Variants in TMEM117 observed in about 807,000 individuals in gnomAD.
The protein encoded by TMEM117 is transmembrane protein 117.
A neutral mutation model predicts 52.4 loss-of-function variants in TMEM117; 27 were observed. The ratio of observed to expected loss-of-function variants is 0.51; its 90% confidence interval spans 0.38 to 0.71. The LOEUF is 0.71. Ranked by LOEUF, TMEM117 falls within the 30% of genes least tolerant of loss-of-function variation. The probability of loss-of-function intolerance (pLI) is 0.00; values close to 1 mark genes in which losing one functional copy is unlikely to be tolerated. For synonymous variants in TMEM117, 215 were observed against 206.3 expected (o/e 1.04, Z -0.36); for missense variants, 556 against 630.5 (o/e 0.88, Z 1.26).
chr12:43,875,755 A>C (rs923526181), intron 2 of TMEM117, among the ~76,000 whole-genome samples: 4 of 152,156 alleles, frequency 2.6e-5, no homozygotes, highest in Non-Finnish European at 4.4e-5. Flanking sequence ...TTATCACTCC[A>C]TTATTGGGCC....
At chr12:44,366,335 A>G (rs931445647) in intron 6 of TMEM117, among the ~76,000 whole-genome samples, 2 of 152,090 alleles carry the variant, frequency 1.3e-5, no homozygotes, top group African/African-American at 4.8e-5. Flanking sequence ...AAAGACCCTG[A>G]GGATGATAGA....
At chr12:44,270,729 C>T (rs951495449) in intron 5 of TMEM117, among the ~76,000 whole-genome samples, 1 of 152,026 alleles carries the variant, frequency 6.6e-6, no homozygotes, top group Non-Finnish European at 1.5e-5. Flanking sequence ...TTTCTCCATT[C>T]AGTATTATGT....
At chr12:43,857,939 A>G (rs972907023) in intron 2 of TMEM117, among the ~76,000 whole-genome samples, 3 of 152,158 alleles carry the variant, frequency 2.0e-5, no homozygotes, top group Non-Finnish European at 2.9e-5. Context: ...TATGGTAACT[A>G]TGTTGCCCTG....
At chr12:43,959,712 T>G (rs1050372364) in intron 3 of TMEM117, among the ~76,000 whole-genome samples, 2 of 152,150 alleles carry the variant, frequency 1.3e-5, no homozygotes, top group Non-Finnish European at 2.9e-5. Flanking sequence ...TGTTTGCTTC[T>G]TTGTTTTATT....
chr12:44,067,557 A>G (rs1309986354), intron 3 of TMEM117, among the ~76,000 whole-genome samples: 4 of 152,190 alleles, frequency 2.6e-5, no homozygotes, highest in Non-Finnish European at 4.4e-5. Flanking sequence ...GTCATTGTCA[A>G]TGACATTTCA....
Position 43,984,251 on chromosome 12 carries a change from C to G in TMEM117, c.410+39909C>G, listed in dbSNP as rs1211430244. On this transcript the variant is annotated intron_variant, in intron 3 of 7. Transcript: ENST00000266534. ...GGTGCAGTGGTACACGTCTGTAGTC[C>G]CAGCTATTCGGGAGGCTGAGGCATG... is the stretch of plus-strand genomic sequence containing the variant. Among the ~76,000 whole-genome samples, 5 of 152,116 alleles carry G rather than the reference C, an allele frequency of 3.3e-5. No individual in the cohort carries two copies. In the East Asian group the frequency reaches 9.7e-4, roughly 29 times the overall value.
At chr12:44,261,614 A>C (rs990472682) in intron 5 of TMEM117, among the ~76,000 whole-genome samples, 4 of 152,298 alleles carry the variant, frequency 2.6e-5, no homozygotes, top group Non-Finnish European at 5.9e-5. Context: ...AAGCTTAAGG[A>C]AACAGTCCAA....
At chr12:44,248,599 G>C (rs1854141667) in intron 5 of TMEM117, 2 of 157,722 alleles carry the variant, frequency 1.3e-5, no homozygotes, top group Admixed American at 1.3e-4. Context: ...TGTGGGCTAG[G>C]GACTGCGGTG....
intron 4 of TMEM117, among the ~76,000 whole-genome samples, chr12:44,209,041 T>C (rs1334859372): frequency 6.6e-6 from 1 of 152,088 alleles, no homozygotes; most frequent in Non-Finnish European, 1.5e-5. Flanking sequence ...ACAAGAAATA[T>C]TTATTTACCT....
intron 3 of TMEM117, among the ~76,000 whole-genome samples, chr12:44,000,093 A>T (rs1946092532): frequency 6.6e-6 from 1 of 152,190 alleles, no homozygotes; most frequent in South Asian, 2.1e-4. Context: ...TTTGCTATGC[A>T]GGATTTCCTT....
intron 4 of TMEM117, among the ~76,000 whole-genome samples, chr12:44,151,336 T>A (rs930860759): frequency 1.0e-3 from 157 of 151,900 alleles, no homozygotes; most frequent in African/African-American, 3.7e-3. Context: ...CACCTTTTTT[T>A]TTTGATGGAA....
intron 6 of TMEM117, among the ~76,000 whole-genome samples, chr12:44,358,211 T>C (rs185936347): frequency 1.3e-5 from 2 of 152,130 alleles, no homozygotes; most frequent in Admixed American, 6.6e-5. Context: ...AAACTAACTA[T>C]TGGGCACTAT....
chr12:43,983,440 G>C (rs17121301), intron 3 of TMEM117, among the ~76,000 whole-genome samples: 10,525 of 151,572 alleles, frequency 0.069, 474 homozygotes, highest in African/African-American at 0.12. Flanking sequence ...AGTCACTGCT[G>C]TAGCCTGTAT....
chr12:44,159,118 A>T (rs959766621), intron 4 of TMEM117, among the ~76,000 whole-genome samples: 1 of 152,084 alleles, frequency 6.6e-6, no homozygotes, highest in Admixed American at 6.6e-5. Flanking sequence ...TGGGTAGGTA[A>T]TTATATTGGT....
At chr12:44,213,064 T>C (rs2138403045) in intron 5 of TMEM117, among the ~76,000 whole-genome samples, 2 of 152,306 alleles carry the variant, frequency 1.3e-5, no homozygotes, top group Admixed American at 1.3e-4. Context: ...CCATCTTTTT[T>C]CCTATTTGTA....
intron 6 of TMEM117, among the ~76,000 whole-genome samples, chr12:44,325,215 A>C (rs1332010207): frequency 6.6e-6 from 1 of 152,340 alleles, no homozygotes. Flanking sequence ...AGAACTGCAT[A>C]TTGTACAACC....
intron 5 of TMEM117, among the ~76,000 whole-genome samples, chr12:44,218,085 G>A (rs546892820): frequency 3.3e-5 from 5 of 152,170 alleles, no homozygotes; most frequent in Admixed American, 6.5e-5. Flanking sequence ...TTGGCTGGAC[G>A]TGGTGGCACA....
rs535196580 is a variant in TMEM117, at chr12:44,139,961, T to A, written c.411-3564T>A. Among the ~76,000 whole-genome samples, 5 of 152,308 alleles carry A rather than the reference T, an allele frequency of 3.3e-5. No homozygotes were observed. The South Asian group carries it at 6.2e-4, about 19-fold the overall frequency. ...GAATGAAATAGTAGCTGAAAATTTT[T>A]ATGACAGGTCTGCATATTTGTAATT... is the stretch of plus-strand genomic sequence containing the variant. On this transcript the variant is annotated intron_variant, in intron 3 of 7. Coordinates refer to ENST00000266534, the MANE Select transcript of TMEM117 (RefSeq NM_032256.3).
chr12:43,802,736 G>A, the TMEM117 span, among the ~76,000 whole-genome samples: 1 of 152,022 alleles, frequency 6.6e-6, no homozygotes, highest in Non-Finnish European at 1.5e-5. Context: ...TGAACTGAAT[G>A]GTCAAATAAT....
Sources: gnomAD v4.1 joint callset for allele counts (sites outside exome capture counted in the v4.1 genomes callset) on GRCh38, gnomAD v4.1.1 for gene constraint, MANE v1.5 for transcripts, NCBI Gene and HGNC (gene_info 2026-07-23, HGNC 2026-07-21) for gene names.